Variants in SLC1A4 observed in about 807,000 individuals in gnomAD.
SLC1A4 encodes the protein solute carrier family 1 member 4, also known as neutral amino acid transporter A.
Under a neutral mutation model 37.7 loss-of-function variants are expected in SLC1A4, and 19 were observed. The observed-to-expected ratio is 0.50, with a 90% CI of 0.35 to 0.74. The LOEUF is 0.74. SLC1A4 is among the 30% of genes least tolerant of loss of function. The pLI, the probability that SLC1A4 is intolerant of heterozygous loss-of-function variation, is 0.01. For synonymous variants in SLC1A4, 299 were observed against 309.8 expected (o/e 0.97, Z 0.37); for missense variants, 570 against 712.9 (o/e 0.80, Z 2.28).
At position 65,018,643 on chromosome 2, in the gene SLC1A4, A is replaced by G. The variant is rs1179068447; in HGVS notation, c.1328A>G (p.His443Arg). 1 of 1,614,196 alleles carries G rather than the reference A, an allele frequency of 6.2e-7. No individual in the cohort carries two copies. The change falls in exon 7 of 8, where the codon CAT becomes CGT. Residue 443 changes from histidine to arginine, a missense_variant. Coordinates refer to ENST00000234256, the MANE Select transcript of SLC1A4 (RefSeq NM_003038.5). This position sits in a 1 kb window ranked among gnomAD's most constrained non-coding sequence, Gnocchi z 4.3. The stretch of plus-strand genomic sequence containing the variant: ...CTGGAGGCCATTGGGCTGCCTACTC[A>G]TGACCTGCCTCTGATCCTGGCTGTG... ...IILEAIGLPTHDLPLILAVDW... is the reference protein window; with the variant it reads ...IILEAIGLPTRDLPLILAVDW...
At chr2:65,019,893 G>A (rs965207269) in intron 7 of SLC1A4, among the ~76,000 whole-genome samples, 1 of 152,258 alleles carries the variant, frequency 6.6e-6, no homozygotes, top group African/African-American at 2.4e-5. Flanking sequence ...AGGCCTGCCA[G>A]CCACCCCATC....
intron 1 of SLC1A4, among the ~76,000 whole-genome samples, chr2:64,996,062 A>T (rs771022310): frequency 4.6e-5 from 7 of 152,154 alleles, no homozygotes; most frequent in Admixed American, 2.0e-4. Context: ...AAGCTTGTTC[A>T]TTCATTATCT....
chr2:65,009,116 TGGAAGTGCTGAGGC>T (rs1673802639), intron 3 of SLC1A4, among the ~76,000 whole-genome samples: 1 of 152,188 alleles, frequency 6.6e-6, no homozygotes, highest in Admixed American at 6.5e-5. Context: ...CTCAGCACTT[TGGAAGTGCTGAGGC>T]GGGCAGATCA....
rs770389576 is a variant in SLC1A4 at position 64,989,670 on chromosome 2, C to T, written c.27C>T (p.Gly9=). ...TGGAGAAGAGCAACGAGACCAACGG[C>T]TACCTTGACAGCGCTCAGGCGGGGC... MEKSNETN[G]YLDSAQAGPA... Residue 9 remains glycine, a synonymous_variant, in exon 1 of 8, where the codon GGC becomes GGT. Transcript: ENST00000234256. 3.2e-6 allele frequency: 5 copies of T among 1,541,804 alleles called. No homozygotes were observed. The highest frequency in any genetic ancestry group is 4.3e-6 in the Non-Finnish European group (5 of 1,150,766).
chr2:65,003,494 A>T (rs1248784167), intron 2 of SLC1A4, among the ~76,000 whole-genome samples: 1 of 152,250 alleles, frequency 6.6e-6, no homozygotes, highest in Non-Finnish European at 1.5e-5. Context: ...GAGACGGTAG[A>T]AGCAGTCATG....
At chr2:65,016,345 TG>T in intron 4 of SLC1A4, 94 bp from the exon 5 acceptor site, 2 of 956,920 alleles carry the variant, frequency 2.1e-6, no homozygotes, top group Non-Finnish European at 3.4e-6. Flanking sequence ...GAAGACGGCC[TG>T]GCTGAAAGTC....
upstream of SLC1A4, among the ~76,000 whole-genome samples, chr2:64,989,113 C>T (rs1050281147): frequency 2.0e-5 from 3 of 152,052 alleles, no homozygotes; most frequent in African/African-American, 7.2e-5. Flanking sequence ...CGGAGCCGGC[C>T]TCCGTTAGCC....
chr2:64,998,854 C>T (rs750160240), intron 1 of SLC1A4, among the ~76,000 whole-genome samples: 46 of 152,230 alleles, frequency 3.0e-4, no homozygotes, highest in African/African-American at 9.6e-4. Flanking sequence ...AGGTATTTGC[C>T]GGGGGAAATT....
intron 1 of SLC1A4, among the ~76,000 whole-genome samples, chr2:64,992,018 T>C (rs1034007173): frequency 1.3e-5 from 2 of 152,334 alleles, no homozygotes; most frequent in Non-Finnish European, 2.9e-5. Flanking sequence ...CAGACACTTT[T>C]TAAGTTTGGA....
rs1403103163 is a variant in SLC1A4 at position 64,989,598 on chromosome 2, A to G, written c.-46A>G. ...CATTGGGAACCCCGTCTTTTGCCAG[A>G]GCCCACGTCCCCTGCCACCTCTAGC... On this transcript the variant is annotated 5_prime_UTR_variant, in exon 1 of 8. Transcript: ENST00000234256. 1.4e-6 allele frequency: 2 copies of G among 1,412,082 alleles called. No homozygotes were observed. The highest frequency in any genetic ancestry group is 3.2e-5 in the Admixed American group (1 of 31,624). The allele number at this position is 1,412,082 out of a possible 1,614,324, so 87.5% of individuals were successfully genotyped here.
chr2:64,994,339 A>G (rs1014299137), intron 1 of SLC1A4, among the ~76,000 whole-genome samples: 23 of 152,238 alleles, frequency 1.5e-4, no homozygotes, highest in African/African-American at 5.3e-4. Context: ...TTTGGGCTCT[A>G]AAGTTTGTAG....
chr2:65,018,368 A>G lies in SLC1A4; in HGVS notation c.1229+103A>G. ...AACTTGGTGTCTCGCTCATAAAATG[A>G]GGACAGTGGGGATTCATTACTTGAA... On this transcript the variant is annotated intron_variant, in intron 6 of 7. Coordinates refer to ENST00000234256, the MANE Select transcript of SLC1A4 (RefSeq NM_003038.5). This position sits in a 1 kb window ranked among gnomAD's most constrained non-coding sequence, Gnocchi z 4.3. 1 of 1,404,448 alleles carries G rather than the reference A, an allele frequency of 7.1e-7. No homozygotes were observed. The highest frequency in any genetic ancestry group is 9.8e-7 in the Non-Finnish European group (1 of 1,023,882). 87.0% of individuals were successfully genotyped at this position (1,404,448 alleles called of 1,614,324 possible).
At chr2:65,007,160 C>T (rs1486023418) in intron 3 of SLC1A4, among the ~76,000 whole-genome samples, 1 of 152,204 alleles carries the variant, frequency 6.6e-6, no homozygotes, top group Non-Finnish European at 1.5e-5. Context: ...CCTGCTCTTA[C>T]AAAGCTCATG....
chr2:65,001,110 A>G, intron 1 of SLC1A4: 1 of 214,582 alleles, frequency 4.7e-6, no homozygotes, highest in Non-Finnish European at 9.2e-6. Context: ...ACTGTGGCCC[A>G]GCAGCGCAGG....
intron 3 of SLC1A4, among the ~76,000 whole-genome samples, chr2:65,008,504 G>C (rs1172527913): frequency 6.6e-6 from 1 of 152,184 alleles, no homozygotes; most frequent in African/African-American, 2.4e-5. Context: ...AGCCTGGCAT[G>C]GTGGCACATG....
At position 65,022,203 on chromosome 2, in the gene SLC1A4, T is replaced by A. The variant is rs1674454403; in HGVS notation, c.*1057T>A. The A allele has an allele frequency of 6.6e-6, 1 of 152,294 alleles. No individual in the cohort carries two copies. The highest frequency in any genetic ancestry group is 2.4e-5 in the African/African-American group (1 of 41,484). The allele number at this position is 152,294 out of a possible 1,614,324, so 9.4% of individuals were successfully genotyped here. On this transcript the variant is annotated 3_prime_UTR_variant, in exon 8 of 8. Coordinates refer to ENST00000234256, the MANE Select transcript of SLC1A4 (RefSeq NM_003038.5). ...GAGTGGGGTACCCCCATTCACAGGT[T>A]CCCAGGTCCCCTGGCTTTGGCTGAT... is the stretch of plus-strand genomic sequence containing the variant.
At chr2:65,001,208 A>C (rs1489153675) in intron 1 of SLC1A4, 4 of 470,706 alleles carry the variant, frequency 8.5e-6, no homozygotes, top group Non-Finnish European at 1.5e-5. Flanking sequence ...AGAAGTGGAC[A>C]TCTCAAAGCA....
intron 1 of SLC1A4, among the ~76,000 whole-genome samples, chr2:64,998,345 C>G (rs1673344266): frequency 6.6e-6 from 1 of 151,140 alleles, no homozygotes; most frequent in African/African-American, 2.4e-5. Flanking sequence ...CTTTTGAACC[C>G]AGAGGCGGAG....
chr2:65,019,129 G>C (rs1240202133), intron 7 of SLC1A4, among the ~76,000 whole-genome samples: 2 of 152,182 alleles, frequency 1.3e-5, no homozygotes, highest in Admixed American at 1.3e-4. Flanking sequence ...CTTGGGCTTG[G>C]GCTCAGCAGA....
Sources: allele counts gnomAD v4.1 joint callset (sites outside exome capture counted in the v4.1 genomes callset), GRCh38; gene constraint gnomAD v4.1.1; non-coding constraint Gnocchi (gnomAD v3.1); transcripts MANE v1.5; gene names NCBI Gene and HGNC (gene_info 2026-07-23, HGNC 2026-07-21).